Variants in GJA3 observed in about 807,000 individuals in gnomAD.
GJA3 encodes gap junction protein alpha 3.
For synonymous variants in GJA3, 297 were observed against 292.6 expected (o/e 1.02, Z -0.15); for missense variants, 571 against 620.3 (o/e 0.92, Z 0.84).
At position 20,140,213 on chromosome 13, in the gene GJA3, T is replaced by C. The variant is rs1363941149; in HGVS notation, c.*1768A>G. 6.6e-6 allele frequency: 1 copy of C among 152,140 alleles called. No individual in the cohort carries two copies. The highest frequency in any genetic ancestry group is 1.5e-5 in the Non-Finnish European group (1 of 68,038). 9.4% of individuals were successfully genotyped at this position (152,140 alleles called of 1,614,324 possible). A position where few individuals can be genotyped will look rare whatever the true frequency, so the allele number is the denominator to read the frequency against. On this transcript the variant is annotated 3_prime_UTR_variant, in exon 2 of 2. Transcript: ENST00000241125. ...TTGTCAATCTGGTTGAGAAAGTCTC[T>C]GAGGAGACGTATGGAAAAGTTAGCA...
intron 1 of GJA3, among the ~76,000 whole-genome samples, chr13:20,145,937 G>A (rs948139689): frequency 6.6e-6 from 1 of 152,180 alleles, no homozygotes; most frequent in African/African-American, 2.4e-5. Context: ...CCGGGCAAGA[G>A]CAGCCTCTGG....
At chr13:20,148,198 G>A (rs558028856) in intron 1 of GJA3, among the ~76,000 whole-genome samples, 1 of 150,826 alleles carries the variant, frequency 6.6e-6, no homozygotes, top group Non-Finnish European at 1.5e-5. Context: ...TCAGACTTTA[G>A]TTGGCTCTGG....
Position 20,156,416 on chromosome 13 carries a change from C to T in GJA3, c.-18+4474G>A, listed in dbSNP as rs547026587. Among the ~76,000 whole-genome samples, 487 of 152,232 alleles carry T rather than the reference C, an allele frequency of 3.2e-3. 8 individuals carry two copies. Among genetic ancestry groups the T allele is most frequent in the Admixed American group, 0.029 (442 of 15,276 alleles). The stretch of plus-strand genomic sequence containing the variant: ...CTGCCTCCCAGGTTCAAGCAATTCT[C>T]GGGCCTCATCCTCCCAAGTAGCTGG... On this transcript the variant is annotated intron_variant, in intron 1 of 1. Transcript: ENST00000241125.
In GJA3 at chr13:20,142,647, G is replaced by A. The variant is rs770016009; in HGVS notation, c.642C>T (p.Ser214=). Residue 214 remains serine, a synonymous_variant, in exon 2 of 2, where the codon TCC becomes TCT. Transcript: ENST00000241125. ...IIFMLAVACA[S]LLLNMLEIYH... ...AGATCTCCAGCATGTTGAGCAGCAGGGACGCGCAGGCCACCGCCAGCATGA... is the reference window on the plus strand; with the variant it reads ...AGATCTCCAGCATGTTGAGCAGCAGAGACGCGCAGGCCACCGCCAGCATGA... The A allele has an allele frequency of 1.2e-6, 2 of 1,612,736 alleles. No homozygotes were observed. Among genetic ancestry groups the A allele is most frequent in the South Asian group, 2.2e-5 (2 of 91,084 alleles).
At chr13:20,158,739 G>C (rs1203832911) in intron 1 of GJA3, among the ~76,000 whole-genome samples, 1 of 151,518 alleles carries the variant, frequency 6.6e-6, no homozygotes, top group Non-Finnish European at 1.5e-5. Flanking sequence ...TGGTGAAACT[G>C]TGTCTCTACT....
intron 1 of GJA3, among the ~76,000 whole-genome samples, chr13:20,151,063 T>G (rs144911995): frequency 0.015 from 850 of 56,482 alleles, 9 homozygotes; most frequent in African/African-American, 0.052. Context: ...GTACCCCAGA[T>G]GGGGTGGTGT....
Position 20,142,450 on chromosome 13 carries a change from C to A in GJA3, c.839G>T (p.Gly280Val). 6.6e-7 allele frequency: 1 copy of A among 1,524,286 alleles called. No individual in the cohort carries two copies. The highest frequency in any genetic ancestry group is 8.8e-7 in the Non-Finnish European group (1 of 1,135,098). The allele number at this position is 1,524,286 out of a possible 1,614,324, so 94.4% of individuals were successfully genotyped here. A position where few individuals can be genotyped will look rare whatever the true frequency, so the allele number is the denominator to read the frequency against. The change falls in exon 2 of 2, where the codon GGA (glycine) becomes GTA (valine). Residue 280 changes from glycine to valine, a missense_variant. Physicochemically the swap from Gly to Val is moderately radical, Grantham distance 109. Coordinates refer to ENST00000241125, the MANE Select transcript of GJA3 (RefSeq NM_021954.4). ...PYYAHTAAPLGQARAVGYPGA... is the reference protein window; with the variant it reads ...PYYAHTAAPLVQARAVGYPGA... The stretch of plus-strand genomic sequence containing the variant: ...GGGGTAGCCCACGGCGCGGGCCTGT[C>A]CCAGGGGCGCAGCGGTGTGCGCATA...
At chr13:20,159,917 C>A (rs1355702473) in intron 1 of GJA3, among the ~76,000 whole-genome samples, 1 of 152,200 alleles carries the variant, frequency 6.6e-6, no homozygotes. Flanking sequence ...ATGGATGGAC[C>A]GCCAGTGAAG....
intron 1 of GJA3, among the ~76,000 whole-genome samples, chr13:20,159,118 T>C (rs1440572353): frequency 2.6e-5 from 4 of 152,028 alleles, no homozygotes; most frequent in Non-Finnish European, 4.4e-5. Context: ...GTCACATATA[T>C]TGGATTTTTT....
chr13:20,152,520 GA>G (rs1170755286), intron 1 of GJA3, among the ~76,000 whole-genome samples: 1 of 152,056 alleles, frequency 6.6e-6, no homozygotes, highest in Non-Finnish European at 1.5e-5. Flanking sequence ...GAGTAGCTGG[GA>G]TTACAGGCAC....
chr13:20,145,358 G>A (rs1593335285), intron 1 of GJA3, among the ~76,000 whole-genome samples: 1 of 152,120 alleles, frequency 6.6e-6, no homozygotes, highest in East Asian at 1.9e-4. Context: ...GACTACTCAC[G>A]CATCCTCCCA....
At chr13:20,146,616 GAC>G (rs1267574536) in intron 1 of GJA3, among the ~76,000 whole-genome samples, 1 of 152,240 alleles carries the variant, frequency 6.6e-6, no homozygotes, top group Non-Finnish European at 1.5e-5. Context: ...GAGACAGGAT[GAC>G]ACAGTGTTTC....
chr13:20,156,889 CAA>C (rs1958909822), intron 1 of GJA3, among the ~76,000 whole-genome samples: 2 of 152,118 alleles, frequency 1.3e-5, no homozygotes, highest in Non-Finnish European at 2.9e-5. Context: ...TAATTAGAAA[CAA>C]CTGCCTGCCA....
chr13:20,140,924 C>A lies in GJA3; in HGVS notation c.*1057G>T, dbSNP rs1464507476. On this transcript the variant is annotated 3_prime_UTR_variant, in exon 2 of 2. Transcript: ENST00000241125. ...CTTTTCACTTCCCATTCAAAATCTT[C>A]AGAACTTCTATTTGAATGCACTTAA... 2 of 152,232 alleles carry A rather than the reference C, an allele frequency of 1.3e-5. No homozygotes were observed. Among genetic ancestry groups the A allele is most frequent in the Non-Finnish European group, 2.9e-5 (2 of 68,032 alleles). The allele number at this position is 152,232 out of a possible 1,614,324, so 9.4% of individuals were successfully genotyped here.
chr13:20,141,649 T>G lies in GJA3; in HGVS notation c.*332A>C. On this transcript the variant is annotated 3_prime_UTR_variant, in exon 2 of 2. Transcript: ENST00000241125. ...GCTAAAGGGACTGCAGGATACCTGT[T>G]GCTTTACCACTACAGAACAGTTACC... The G allele has an allele frequency of 3.2e-6, 1 of 313,970 alleles. No homozygotes were observed. The highest frequency in any genetic ancestry group is 5.6e-5 in the East Asian group (1 of 17,854). 19.4% of individuals were successfully genotyped at this position (313,970 alleles called of 1,614,324 possible).
chr13:20,140,339 G>C lies in GJA3; in HGVS notation c.*1642C>G, dbSNP rs976308284. 6.6e-6 allele frequency: 1 copy of C among 152,208 alleles called. No individual in the cohort carries two copies. Among genetic ancestry groups the C allele is most frequent in the South Asian group, 2.1e-4 (1 of 4,832 alleles). The allele number at this position is 152,208 out of a possible 1,614,324, so 9.4% of individuals were successfully genotyped here. On this transcript the variant is annotated 3_prime_UTR_variant, in exon 2 of 2. Coordinates refer to ENST00000241125, the MANE Select transcript of GJA3 (RefSeq NM_021954.4). Reference sequence around the variant, plus strand: ...GACATGAAAAACTAGTTGCATGCAAGAATCTGAGACTTGGAAATTGCATTC... The same window carrying C: ...GACATGAAAAACTAGTTGCATGCAACAATCTGAGACTTGGAAATTGCATTC...
chr13:20,143,330 C>A (rs1302275376), intron 1 of GJA3, 25 bp from the exon 2 acceptor site: 1 of 1,470,934 alleles, frequency 6.8e-7, no homozygotes, highest in Non-Finnish European at 9.0e-7. Context: ...TGCTCATGAA[C>A]ACCGGGCTGC....
chr13:20,142,952 C>G lies in GJA3; in HGVS notation c.337G>C (p.Glu113Gln), dbSNP rs778229439. Residue 113 changes from glutamate to glutamine, a missense_variant, in exon 2 of 2, where the codon GAG becomes CAG. Transcript: ENST00000241125. ...CTGGGGCTCTCTCTCTTCAGCTGCT[C>G]CTCCTCCTCCCTCTCTTTCTTCTTC... is the stretch of plus-strand genomic sequence containing the variant. ...EEKKKEREEEEQLKRESPSPK... is the reference protein window; with the variant it reads ...EEKKKEREEEQQLKRESPSPK... 2 of 1,576,650 alleles carry G rather than the reference C, an allele frequency of 1.3e-6. No homozygotes were observed. Among genetic ancestry groups the G allele is most frequent in the South Asian group, 2.3e-5 (2 of 87,028 alleles).
chr13:20,144,994 C>T (rs551731353), intron 1 of GJA3, among the ~76,000 whole-genome samples: 4 of 152,218 alleles, frequency 2.6e-5, no homozygotes, highest in African/African-American at 7.2e-5. Flanking sequence ...TAGCCTGGCC[C>T]ACATGGTGAA....
Sources: gnomAD v4.1 joint callset for allele counts (sites outside exome capture counted in the v4.1 genomes callset) on GRCh38, gnomAD v4.1.1 for gene constraint, MANE v1.5 for transcripts, NCBI Gene and HGNC (gene_info 2026-07-23, HGNC 2026-07-21) for gene names.